The following BTAF1 variants were observed in gnomAD, a reference collection of about 807,000 sequenced individuals.
The protein encoded by BTAF1 is TATA-binding protein-associated factor 172.
BTAF1 carries 38 observed loss-of-function variants against 227.1 expected under a neutral mutation model. That is an observed-to-expected ratio of 0.17 (90% CI 0.13 to 0.22). The LOEUF (loss-of-function observed/expected upper bound fraction) is 0.22. Ranked by LOEUF, BTAF1 falls within the 10% of genes least tolerant of loss-of-function variation. BTAF1 has a pLI of 1.00. For missense variants in BTAF1, 1,598 were observed against 2,204.0 expected (o/e 0.73, Z 5.51); for synonymous variants, 742 against 751.9 (o/e 0.99, Z 0.21).
At chr10:91,982,328 C>T in intron 17 of BTAF1, 103 bp downstream of exon 17, 1 of 1,478,076 alleles carries the variant, frequency 6.8e-7, no homozygotes, top group African/African-American at 1.4e-5. Flanking sequence ...TCAGTCCTTC[C>T]TTCCTTCATC....
At chr10:92,026,817 G>A in intron 36 of BTAF1, 66 bp downstream of exon 36, 1 of 1,507,106 alleles carries the variant, frequency 6.6e-7, no homozygotes. Flanking sequence ...CAGAAAGATA[G>A]GAAACCTTGG....
intron 21 of BTAF1, among the ~76,000 whole-genome samples, chr10:91,993,375 T>C (rs73312399): frequency 3.2e-4 from 48 of 152,248 alleles, no homozygotes; most frequent in African/African-American, 1.1e-3. Flanking sequence ...ACAAGTTTCT[T>C]TGAGGTAGAG....
In BTAF1 at chr10:92,029,016, C is replaced by T; in HGVS notation, c.*83C>T. On this transcript the variant is annotated 3_prime_UTR_variant, in exon 38 of 38. Transcript: ENST00000265990. ...AGCAAATTTCTAAGTTTATGGTGAACTTTTAACTCAATGTGTAAATAGATC... is the reference window on the plus strand; with the variant it reads ...AGCAAATTTCTAAGTTTATGGTGAATTTTTAACTCAATGTGTAAATAGATC... 1 of 1,290,450 alleles carries T rather than the reference C, an allele frequency of 7.7e-7. No individual in the cohort carries two copies. The highest frequency in any genetic ancestry group is 2.5e-5 in the East Asian group (1 of 39,748). The allele number at this position is 1,290,450 out of a possible 1,614,324, so 79.9% of individuals were successfully genotyped here.
intron 11 of BTAF1, 103 bp downstream of exon 11, chr10:91,960,257 A>G: frequency 8.0e-7 from 1 of 1,249,146 alleles, no homozygotes; most frequent in South Asian, 1.7e-5. Context: ...ACTGTTACAG[A>G]GAAGCCAGTC....
chr10:91,981,487 C>T (rs137940705), intron 15 of BTAF1, among the ~76,000 whole-genome samples, 156 bp from the exon 16 acceptor site: 113 of 151,710 alleles, frequency 7.4e-4, no homozygotes, highest in African/African-American at 2.6e-3. Flanking sequence ...TATTAGAAAA[C>T]AGTACTGTAT....
rs1337622610 is a variant in BTAF1 at position 91,956,760 on chromosome 10, C to T, written c.831+103C>T. 1.5e-5 allele frequency: 19 copies of T among 1,276,872 alleles called. No individual in the cohort carries two copies. The East Asian group carries it at 3.0e-4, about 20-fold the overall frequency. 79.1% of individuals were successfully genotyped at this position (1,276,872 alleles called of 1,614,324 possible). A position where few individuals can be genotyped will look rare whatever the true frequency, so the allele number is the denominator to read the frequency against. On this transcript the variant is annotated intron_variant, in intron 7 of 37. Coordinates refer to ENST00000265990, the MANE Select transcript of BTAF1 (RefSeq NM_003972.3). The stretch of plus-strand genomic sequence containing the variant: ...ATCCCAGCACTTTGGGAGGTCGAGG[C>T]GGGCGTTATCACGAGGTCAGGAGCT...
Position 91,964,783 on chromosome 10 carries a change from C to T in BTAF1, c.1529+582C>T, listed in dbSNP as rs80061885. On this transcript the variant is annotated intron_variant, in intron 13 of 37. Transcript: ENST00000265990. ...TCCTGATATATGAATCTCAGCTCAG[C>T]GAATTAACATATTCCCTACCTTTTA... 3.4e-3 allele frequency among the ~76,000 whole-genome samples: 519 copies of T among 152,186 alleles called. 2 individuals carry two copies. Among genetic ancestry groups the T allele is most frequent in the African/African-American group, 0.012 (498 of 41,554 alleles).
At position 92,011,399 on chromosome 10, in the gene BTAF1, C is replaced by G; in HGVS notation, c.4295C>G (p.Ser1432Cys). ...ACTGCTAATTATAGGATTATTCTTTCTGGAACACCAATCCAGGTAATTATT... is the reference window on the plus strand; with the variant it reads ...ACTGCTAATTATAGGATTATTCTTTGTGGAACACCAATCCAGGTAATTATT... ...QLTANYRIIL[S>C]GTPIQNNVLE... Residue 1432 changes from serine to cysteine, a missense_variant, in exon 30 of 38, where the codon TCT (serine) becomes TGT (cysteine). Physicochemically the swap from Ser to Cys is moderately radical, Grantham distance 112. This residue lies in a region of BTAF1 where 184 missense variants were observed against 341.1 expected (regional missense o/e 0.54). Coordinates refer to ENST00000265990, the MANE Select transcript of BTAF1 (RefSeq NM_003972.3). 7.2e-7 allele frequency: 1 copy of G among 1,388,168 alleles called. No individual in the cohort carries two copies. Among genetic ancestry groups the G allele is most frequent in the Non-Finnish European group, 9.4e-7 (1 of 1,058,384 alleles). The allele number at this position is 1,388,168 out of a possible 1,614,324, so 86.0% of individuals were successfully genotyped here.
intron 2 of BTAF1, among the ~76,000 whole-genome samples, chr10:91,939,742 G>A (rs1344337934): frequency 3.9e-5 from 6 of 152,050 alleles, no homozygotes; most frequent in African/African-American, 4.8e-5. Context: ...CTGGCCACAG[G>A]TTTCTTAAAT....
At chr10:91,995,801 T>A (rs765977567) in intron 23 of BTAF1, among the ~76,000 whole-genome samples, 29 of 152,212 alleles carry the variant, frequency 1.9e-4, no homozygotes, top group Non-Finnish European at 3.8e-4. Flanking sequence ...CTGGCTCTCA[T>A]CAGCATTAAT....
intron 6 of BTAF1, 45 bp from the exon 7 acceptor site, chr10:91,956,483 C>T (rs1164898162): frequency 1.3e-6 from 2 of 1,553,982 alleles, no homozygotes; most frequent in Non-Finnish European, 8.7e-7. Flanking sequence ...TTGTGGTTCA[C>T]ATTACGCTTT....
At chr10:92,010,494 A>G (rs1309633667) in intron 28 of BTAF1, among the ~76,000 whole-genome samples, 1 of 152,178 alleles carries the variant, frequency 6.6e-6, no homozygotes, top group Non-Finnish European at 1.5e-5. Context: ...CTCCCCTTAC[A>G]TAACTTATTG....
intron 14 of BTAF1, among the ~76,000 whole-genome samples, chr10:91,975,933 C>T (rs1847648691): frequency 6.6e-6 from 1 of 152,158 alleles, no homozygotes; most frequent in Non-Finnish European, 1.5e-5. Context: ...TGGTTGCCAA[C>T]TTGGTATCAT....
chr10:92,012,922 A>C (rs1850472405), intron 30 of BTAF1, among the ~76,000 whole-genome samples: 1 of 152,184 alleles, frequency 6.6e-6, no homozygotes, highest in African/African-American at 2.4e-5. Context: ...CTTGGTTCAG[A>C]CATCGGAAGA....
At chr10:91,924,113 A>C in intron 1 of BTAF1, 23 bp downstream of exon 1, 1 of 1,605,538 alleles carries the variant, frequency 6.2e-7, no homozygotes, top group Admixed American at 1.7e-5. Context: ...CCTGACGAGC[A>C]AACTGGAAGG....
At chr10:91,949,058 C>T (rs1280074147) in intron 4 of BTAF1, among the ~76,000 whole-genome samples, 2 of 152,128 alleles carry the variant, frequency 1.3e-5, no homozygotes, top group African/African-American at 4.8e-5. Context: ...GGCCTGTAAT[C>T]CTAGCACTTT....
Position 91,978,811 on chromosome 10 carries a change from CTTGT to C in BTAF1, c.1651-1640_1651-1637del, listed in dbSNP as rs891719907. 2.0e-4 allele frequency among the ~76,000 whole-genome samples: 12 copies of C among 59,688 alleles called. No homozygotes were observed. In the South Asian group the frequency reaches 3.2e-3, roughly 16 times the overall value. 39.2% of individuals were successfully genotyped at this position (59,688 alleles called of 152,430 possible). A position where few individuals can be genotyped will look rare whatever the true frequency, so the allele number is the denominator to read the frequency against. On this transcript the variant is annotated intron_variant, in intron 14 of 37. Coordinates refer to ENST00000265990, the MANE Select transcript of BTAF1 (RefSeq NM_003972.3). ...TGCTCCTCCAATGGATGATTTATGG[CTTGT>C]TTTTTTTTTTTTTTTTTTTTTCACT... is the stretch of plus-strand genomic sequence containing the variant.
chr10:91,925,359 G>A (rs1470357176), intron 1 of BTAF1, among the ~76,000 whole-genome samples: 2 of 152,088 alleles, frequency 1.3e-5, no homozygotes, highest in Non-Finnish European at 2.9e-5. Flanking sequence ...GCATTGATAT[G>A]TAAACTTAAT....
intron 25 of BTAF1, among the ~76,000 whole-genome samples, chr10:91,998,795 A>C (rs1849307101): frequency 6.6e-6 from 1 of 152,170 alleles, no homozygotes; most frequent in African/African-American, 2.4e-5. Context: ...TCATGCCTGT[A>C]ATCCCAGCAC....
Sources: gnomAD v4.1 joint callset for allele counts (sites outside exome capture counted in the v4.1 genomes callset) on GRCh38, gnomAD v4.1.1 for gene constraint, gnomAD v4.1.1 regional missense constraint, MANE v1.5 for transcripts, NCBI Gene and HGNC (gene_info 2026-07-23, HGNC 2026-07-21) for gene names.